ANKHD1: variants seen among roughly 807,000 people sequenced by gnomAD.
ANKHD1 encodes the protein ankyrin repeat and KH domain containing 1, also known as ankyrin repeat and KH domain-containing protein 1.
Under a neutral mutation model 230.5 loss-of-function variants are expected in ANKHD1, and 31 were observed. The observed-to-expected ratio is 0.13, with a 90% CI of 0.10 to 0.18. The LOEUF is 0.18. ANKHD1 is among the 10% of genes least tolerant of loss of function. ANKHD1 has a pLI of 1.00. For synonymous variants in ANKHD1, 1,074 were observed against 1,117.6 expected (o/e 0.96, Z 0.78); for missense variants, 2,256 against 3,071.3 (o/e 0.73, Z 6.27).
chr5:140,436,633 C>T (rs1561718195), intron 2 of ANKHD1, among the ~76,000 whole-genome samples: 1 of 151,838 alleles, frequency 6.6e-6, no homozygotes. Flanking sequence ...GTAGTCCCAG[C>T]TACTCAGGCA....
At chr5:140,436,383 T>C in intron 2 of ANKHD1, 126 bp downstream of exon 2, 1 of 1,170,258 alleles carries the variant, frequency 8.5e-7, no homozygotes, top group African/African-American at 1.6e-5. Context: ...TTTATTTTAC[T>C]TTTTATCTCC....
At chr5:140,499,778 G>A (rs185245999) in intron 15 of ANKHD1, among the ~76,000 whole-genome samples, 10 of 151,978 alleles carry the variant, frequency 6.6e-5, no homozygotes, top group African/African-American at 1.9e-4. Flanking sequence ...GATTCTCAAA[G>A]TTCAAATGTC....
chr5:140,486,610 C>T (rs1751513696), intron 13 of ANKHD1: 1 of 157,158 alleles, frequency 6.4e-6, no homozygotes, highest in African/African-American at 2.4e-5. Context: ...TTTTTGTTTT[C>T]TTTTGATCCA....
At chr5:140,411,247 T>C (rs1263397168) in intron 1 of ANKHD1, among the ~76,000 whole-genome samples, 1 of 152,190 alleles carries the variant, frequency 6.6e-6, no homozygotes, top group East Asian at 1.9e-4. Flanking sequence ...GGAAACTTCA[T>C]TTGGGACCCT....
intron 24 of ANKHD1, among the ~76,000 whole-genome samples, chr5:140,520,198 T>G (rs1483521335): frequency 1.3e-5 from 2 of 152,130 alleles, no homozygotes; most frequent in Non-Finnish European, 2.9e-5. Flanking sequence ...TCACTGGCCA[T>G]CAGAGAAACG....
At chr5:140,475,644 T>G (rs532759839) in intron 10 of ANKHD1, among the ~76,000 whole-genome samples, 17 of 152,128 alleles carry the variant, frequency 1.1e-4, no homozygotes, top group Non-Finnish European at 2.1e-4. Context: ...AACTAAAAAC[T>G]TGGAGGACAA....
chr5:140,458,686 C>A lies in ANKHD1; in HGVS notation c.1304C>A (p.Ala435Glu), dbSNP rs766666489. Residue 435 changes from alanine to glutamate, a missense_variant, in exon 8 of 34, where the codon GCA becomes GAA. By Grantham distance (107) the Ala-to-Glu change is moderately radical. Coordinates refer to ENST00000360839, the MANE Select transcript of ANKHD1 (RefSeq NM_017747.3). ...AGTGGTGCTCAAGTGAACATGCCTG[C>A]AGATTCATTTGAATCTCCATTGACG... ...LDSGAQVNMP[A>E]DSFESPLTLA... 1.2e-6 allele frequency: 2 copies of A among 1,613,000 alleles called. No homozygotes were observed. Among genetic ancestry groups the A allele is most frequent in the Admixed American group, 3.3e-5 (2 of 59,852 alleles).
intron 15 of ANKHD1, among the ~76,000 whole-genome samples, chr5:140,503,348 A>C (rs1213201602): frequency 3.3e-5 from 5 of 151,926 alleles, no homozygotes; most frequent in Non-Finnish European, 5.9e-5. Context: ...CAATCCTATA[A>C]AATATCTGAT....
At position 140,538,070 on chromosome 5, in the gene ANKHD1, C is replaced by A. The variant is rs373803460; in HGVS notation, c.7229-16C>A. 3 of 1,588,858 alleles carry A rather than the reference C, an allele frequency of 1.9e-6. No homozygotes were observed. Among genetic ancestry groups the A allele is most frequent in the East Asian group, 2.3e-5 (1 of 44,418 alleles). On this transcript the variant is annotated splice_polypyrimidine_tract_variant and intron_variant, in intron 31 of 33. Coordinates refer to ENST00000360839, the MANE Select transcript of ANKHD1 (RefSeq NM_017747.3). ...CCAAATAAATTTAAAACTTTGTTTT[C>A]AATTATTCTTTCCAGAAGGCTTATC... is the stretch of plus-strand genomic sequence containing the variant.
chr5:140,479,730 AGG>A (rs1751167264), intron 10 of ANKHD1, among the ~76,000 whole-genome samples: 1 of 79,962 alleles, frequency 1.3e-5, no homozygotes, highest in African/African-American at 3.8e-5. Context: ...ATACATACAT[AGG>A]TATATATATA....
Position 140,508,130 on chromosome 5 carries a change from T to G in ANKHD1, c.3765+132T>G. 5 of 1,249,852 alleles carry G rather than the reference T, an allele frequency of 4.0e-6. No homozygotes were observed. In the South Asian group the frequency reaches 8.2e-5, roughly 21 times the overall value. The allele number at this position is 1,249,852 out of a possible 1,614,324, so 77.4% of individuals were successfully genotyped here. On this transcript the variant is annotated intron_variant, in intron 20 of 33. Transcript: ENST00000360839. ...TGATACCAATGCAGAGTTGAGGGAT[T>G]ATGCTGTATAATAGTGAGTGACATA...
chr5:140,440,289 G>A, intron 4 of ANKHD1, 23 bp downstream of exon 4: 1 of 1,594,416 alleles, frequency 6.3e-7, no homozygotes, highest in Non-Finnish European at 8.5e-7. Context: ...AATCTTTAGT[G>A]ATTAAAATTG....
chr5:140,497,877 C>CCACACACACA (rs36224738), intron 15 of ANKHD1, among the ~76,000 whole-genome samples: 85 of 144,604 alleles, frequency 5.9e-4, no homozygotes, highest in East Asian at 1.2e-3. Context: ...CCACACCACA[C>CCACACACACA]CACACACACA....
intron 14 of ANKHD1, among the ~76,000 whole-genome samples, chr5:140,493,055 G>A (rs1225179116): frequency 6.6e-6 from 1 of 152,078 alleles, no homozygotes; most frequent in East Asian, 1.9e-4. Flanking sequence ...ATGAAATGGC[G>A]ACTTTACCTG....
At chr5:140,452,019 G>A (rs932441819) in intron 7 of ANKHD1, among the ~76,000 whole-genome samples, 2 of 152,066 alleles carry the variant, frequency 1.3e-5, no homozygotes, top group African/African-American at 4.8e-5. Flanking sequence ...AGCGACGCAT[G>A]AGACGGGTGA....
chr5:140,409,666 C>T (rs1322942707), intron 1 of ANKHD1, among the ~76,000 whole-genome samples: 1 of 151,806 alleles, frequency 6.6e-6, no homozygotes, highest in Non-Finnish European at 1.5e-5. Context: ...GATTCTCCTG[C>T]CTCAGCCTCC....
At chr5:140,481,420 CAATT>C (rs1412348046) in intron 10 of ANKHD1, among the ~76,000 whole-genome samples, 1 of 151,848 alleles carries the variant, frequency 6.6e-6, no homozygotes, top group African/African-American at 2.4e-5. Flanking sequence ...ACATGTATAA[CAATT>C]AAAAAGTCAA....
rs1276347102 is a variant in ANKHD1, at chr5:140,482,607, C to T, written c.1810C>T (p.Pro604Ser). Residue 604 changes from proline to serine, a missense_variant, in exon 11 of 34, where the codon CCT becomes TCT. By Grantham distance (74) the Pro-to-Ser change is moderately conservative (BLOSUM62 -1). This residue lies in a region of ANKHD1 where 179 missense variants were observed against 261.8 expected (regional missense o/e 0.68). Transcript: ENST00000360839. ...ACATGAATCTGAAGGTGGAAGAACA[C>T]CTTTGATGAAAGCTGCAAGAGCTGG... ...LEHESEGGRTPLMKAARAGHL... is the reference protein window; with the variant it reads ...LEHESEGGRTSLMKAARAGHL... The T allele has an allele frequency of 3.1e-6, 5 of 1,612,736 alleles. No individual in the cohort carries two copies. The highest frequency in any genetic ancestry group is 3.4e-6 in the Non-Finnish European group (4 of 1,179,460).
At chr5:140,414,280 A>C (rs763840406) in intron 1 of ANKHD1, among the ~76,000 whole-genome samples, 2 of 152,218 alleles carry the variant, frequency 1.3e-5, no homozygotes, top group Non-Finnish European at 2.9e-5. Context: ...ACTGTGTTCT[A>C]TATCAGCTAT....
Sources: gnomAD v4.1 joint callset for allele counts (sites outside exome capture counted in the v4.1 genomes callset) on GRCh38, gnomAD v4.1.1 for gene constraint, gnomAD v4.1.1 regional missense constraint, MANE v1.5 for transcripts, NCBI Gene and HGNC (gene_info 2026-07-23, HGNC 2026-07-21) for gene names.